The following ADAM18 variants were observed in gnomAD, a reference collection of about 807,000 sequenced individuals.
ADAM18 encodes the protein ADAM metallopeptidase domain 18.
In ADAM18, 117 loss-of-function variants were observed where a neutral mutation model predicts 94.4. That is an observed-to-expected ratio of 1.24 (90% CI 1.07 to 1.45). The LOEUF (loss-of-function observed/expected upper bound fraction) is 1.45, where lower values mean the gene tolerates loss of function less well. Among genes scored for constraint, ADAM18 ranks in the 40% most tolerant of loss-of-function variants. The probability of loss-of-function intolerance (pLI) is 0.00; values close to 1 mark genes in which losing one functional copy is unlikely to be tolerated. For synonymous variants in ADAM18, 327 were observed against 291.6 expected, an observed-to-expected ratio of 1.12 and a Z score of -1.24; for missense variants, 936 against 880.0, an observed-to-expected ratio of 1.06 and a Z score of -0.81.
chr8:39,634,388 T>A (rs1207328032), intron 7 of ADAM18, among the ~76,000 whole-genome samples: 2 of 152,070 alleles, frequency 1.3e-5, no homozygotes, highest in Non-Finnish European at 2.9e-5. Flanking sequence ...CCCAGAACTA[T>A]AGAGCCACCA....
intron 7 of ADAM18, among the ~76,000 whole-genome samples, chr8:39,632,355 G>T (rs1186923923): frequency 6.6e-6 from 1 of 151,788 alleles, no homozygotes. Context: ...TTAGTTTTTG[G>T]TAGGTGATCT....
chr8:39,653,105 A>G (rs372473874), intron 12 of ADAM18, among the ~76,000 whole-genome samples: 14 of 152,282 alleles, frequency 9.2e-5, no homozygotes, highest in African/African-American at 3.4e-4. Context: ...ACTATGGTTA[A>G]TAAAGATGGA....
At chr8:39,655,457 A>T (rs1296407840) in intron 12 of ADAM18, among the ~76,000 whole-genome samples, 3 of 152,194 alleles carry the variant, frequency 2.0e-5, no homozygotes, top group Non-Finnish European at 4.4e-5. Context: ...AAAAGTGATC[A>T]TCTCAATGGA....
intron 15 of ADAM18, among the ~76,000 whole-genome samples, chr8:39,679,493 T>C (rs1337536639): frequency 2.0e-5 from 3 of 152,168 alleles, no homozygotes; most frequent in African/African-American, 7.2e-5. Context: ...ATAGAGGGGA[T>C]CTAAAAGTTC....
chr8:39,701,107 G>C (rs1339600421), intron 17 of ADAM18, among the ~76,000 whole-genome samples: 7 of 59,380 alleles, frequency 1.2e-4, no homozygotes, highest in African/African-American at 4.3e-4. Context: ...GACAGAGCAA[G>C]ACTCTGTCTC....
chr8:39,611,366 A>G (rs1206525769), intron 6 of ADAM18: 1 of 889,284 alleles, frequency 1.1e-6, no homozygotes, highest in African/African-American at 1.8e-5. Flanking sequence ...AGCTCAAAGC[A>G]CTTCTTGGGT....
chr8:39,661,395 C>CT lies in ADAM18; in HGVS notation c.1231-2399dup, dbSNP rs377528792. ...TTCACCGTGTTAGCCAGGATGGTCT[C>CT]TATCTCCTGACCTCGTGATCCGCCT... On this transcript the variant is annotated intron_variant, in intron 12 of 19. Coordinates refer to ENST00000265707, the MANE Select transcript of ADAM18 (RefSeq NM_014237.3). Among the ~76,000 whole-genome samples the CT allele has an allele frequency of 4.6e-3, 659 of 142,290 alleles. 4 individuals carry two copies. The highest frequency in any genetic ancestry group is 0.018 in the African/African-American group (646 of 36,910). 93.3% of individuals were successfully genotyped at this position (142,290 alleles called of 152,430 possible).
chr8:39,680,713 T>C (rs1821433433), intron 16 of ADAM18, among the ~76,000 whole-genome samples: 1 of 152,218 alleles, frequency 6.6e-6, no homozygotes, highest in South Asian at 2.1e-4. Flanking sequence ...TGAACACTTC[T>C]ATCTATGTAG....
chr8:39,682,636 T>A (rs555929791), intron 16 of ADAM18, among the ~76,000 whole-genome samples: 1 of 152,030 alleles, frequency 6.6e-6, no homozygotes, highest in East Asian at 1.9e-4. Flanking sequence ...TTAGTTCTAA[T>A]CCCCCCCCAC....
rs369051888 is a variant in ADAM18 at position 39,696,246 on chromosome 8, T to C, written c.1902+3566T>C. 6.6e-5 allele frequency among the ~76,000 whole-genome samples: 10 copies of C among 151,588 alleles called. No individual in the cohort carries two copies. The East Asian group carries it at 1.7e-3, about 26-fold the overall frequency. ...ATTTTTAAATTGTGCTTCCTTTTTA[T>C]TATTGAGTTTTAGAATTATTTATAT... On this transcript the variant is annotated intron_variant, in intron 17 of 19. Transcript: ENST00000265707.
chr8:39,670,378 C>G (rs1821121441), intron 14 of ADAM18, among the ~76,000 whole-genome samples: 1 of 152,108 alleles, frequency 6.6e-6, no homozygotes, highest in South Asian at 2.1e-4. Context: ...TTCCCATTTT[C>G]TCCTTGATTC....
chr8:39,643,325 G>A (rs1820286458), intron 10 of ADAM18, among the ~76,000 whole-genome samples: 1 of 151,968 alleles, frequency 6.6e-6, no homozygotes, highest in Non-Finnish European at 1.5e-5. Context: ...TGGTGAGAGA[G>A]GGCATCCTTA....
intron 19 of ADAM18, among the ~76,000 whole-genome samples, chr8:39,725,788 A>G (rs538387182): frequency 6.6e-6 from 1 of 152,286 alleles, no homozygotes; most frequent in African/African-American, 2.4e-5. Context: ...TATCATAGCT[A>G]TTGTGAACAA....
chr8:39,680,985 C>T (rs534921649), intron 16 of ADAM18, among the ~76,000 whole-genome samples: 2 of 152,314 alleles, frequency 1.3e-5, no homozygotes, highest in South Asian at 4.1e-4. Flanking sequence ...TGGTAATCTG[C>T]TCCTGAAATG....
At chr8:39,651,637 GT>G (rs35904342) in intron 12 of ADAM18, among the ~76,000 whole-genome samples, 100,270 of 151,910 alleles carry the variant, frequency 0.66, 34,578 homozygotes, top group Middle Eastern at 0.77. Flanking sequence ...TGGGGGTAGG[GT>G]TACAGATTAA....
chr8:39,715,542 T>C (rs566067980), intron 18 of ADAM18, among the ~76,000 whole-genome samples: 3 of 151,224 alleles, frequency 2.0e-5, no homozygotes, highest in Admixed American at 6.6e-5. Flanking sequence ...TCAGTTACAT[T>C]GATAAACCTC....
intron 13 of ADAM18, among the ~76,000 whole-genome samples, chr8:39,665,115 C>A (rs143259559): frequency 2.0e-4 from 30 of 152,258 alleles, no homozygotes; most frequent in East Asian, 9.7e-4. Context: ...CACCCGCAGC[C>A]CCTGGTAACC....
intron 9 of ADAM18, 83 bp downstream of exon 9, chr8:39,637,786 G>GT (rs1375828467): frequency 2.3e-6 from 3 of 1,311,524 alleles, no homozygotes; most frequent in African/African-American, 3.1e-5. Flanking sequence ...GCGTTCTTCA[G>GT]TTTTTTGTAA....
At chr8:39,723,955 T>C in intron 19 of ADAM18, 48 bp downstream of exon 19, 1 of 1,154,344 alleles carries the variant, frequency 8.7e-7, no homozygotes, top group Non-Finnish European at 1.2e-6. Context: ...ATCCTAGTCA[T>C]TAACCAGTGT....
Sources: gnomAD v4.1 joint callset for allele counts (sites outside exome capture counted in the v4.1 genomes callset) on GRCh38, gnomAD v4.1.1 for gene constraint, MANE v1.5 for transcripts, NCBI Gene and HGNC (gene_info 2026-07-23, HGNC 2026-07-21) for gene names.